Variants in MBD5 observed in about 807,000 individuals in gnomAD.
MBD5 encodes the protein methyl-CpG-binding domain protein 5.
Under a neutral mutation model 117.3 loss-of-function variants are expected in MBD5, and 13 were observed. The ratio of observed to expected loss-of-function variants is 0.11; its 90% confidence interval spans 0.07 to 0.18. The LOEUF is 0.18. MBD5 is among the 10% of genes least tolerant of loss of function. The pLI is 1.00. For missense variants in MBD5, 1,879 were observed against 2,093.8 expected, an observed-to-expected ratio of 0.90 and a Z score of 2.00; for synonymous variants, 727 against 766.4, an observed-to-expected ratio of 0.95 and a Z score of 0.85.
At chr2:148,406,589 A>G (rs1650246531) in intron 4 of MBD5, among the ~76,000 whole-genome samples, 1 of 152,298 alleles carries the variant, frequency 6.6e-6, no homozygotes, top group South Asian at 2.1e-4. Context: ...TGCAATTAAA[A>G]TAAAAAGCAA....
chr2:148,345,783 G>C (rs1703109768), intron 4 of MBD5, among the ~76,000 whole-genome samples: 1 of 151,432 alleles, frequency 6.6e-6, no homozygotes. Flanking sequence ...TCTGCAAGCT[G>C]AGGAGCAAGG....
At chr2:148,035,632 T>C (rs1368659761) in intron 1 of MBD5, among the ~76,000 whole-genome samples, 6 of 152,174 alleles carry the variant, frequency 3.9e-5, no homozygotes, top group Non-Finnish European at 8.8e-5. Context: ...AGTGAACAAA[T>C]ATGTAAATAT....
chr2:148,485,878 G>T lies in MBD5; in HGVS notation c.3681G>T (p.Ala1227=), dbSNP rs572893308. ...QLLQGYQNLQ[A]FQGQSTIPCP... ...TCCAGGGGTACCAGAATCTCCAGGCGTTCCAAGGACAGTCCACAATTCCTT... is the reference window on the plus strand; with the variant it reads ...TCCAGGGGTACCAGAATCTCCAGGCTTTCCAAGGACAGTCCACAATTCCTT... Residue 1227 remains alanine (A), a synonymous_variant, in exon 10 of 14, where the codon GCG becomes GCT. Coordinates refer to ENST00000642680, the MANE Select transcript of MBD5 (RefSeq NM_001378120.1). 6.2e-7 allele frequency: 1 copy of T among 1,614,056 alleles called. No individual in the cohort carries two copies. Among genetic ancestry groups the T allele is most frequent in the African/African-American group, 1.3e-5 (1 of 75,012 alleles).
chr2:148,185,017 TC>T (rs1698619674), intron 2 of MBD5, among the ~76,000 whole-genome samples: 2 of 152,238 alleles, frequency 1.3e-5, no homozygotes, highest in Non-Finnish European at 2.9e-5. Context: ...TTAGTTGGTC[TC>T]CACCTGTTTT....
chr2:148,229,554 G>T (rs1458201758), intron 2 of MBD5, among the ~76,000 whole-genome samples: 1 of 152,144 alleles, frequency 6.6e-6, no homozygotes, highest in African/African-American at 2.4e-5. Flanking sequence ...GATGCTAGTA[G>T]ATGTTCTTTG....
At chr2:148,319,554 A>G (rs958129568) in intron 3 of MBD5, among the ~76,000 whole-genome samples, 1 of 152,096 alleles carries the variant, frequency 6.6e-6, no homozygotes, top group Non-Finnish European at 1.5e-5. Flanking sequence ...GTCCTTTACT[A>G]TATCATTATT....
At chr2:148,052,726 A>G (rs79073993) in intron 1 of MBD5, among the ~76,000 whole-genome samples, 3 of 152,030 alleles carry the variant, frequency 2.0e-5, no homozygotes, top group Admixed American at 6.6e-5. Flanking sequence ...CCTTCTATTA[A>G]ATTCTCATTT....
chr2:148,428,403 GA>G (rs1419725393), intron 4 of MBD5, among the ~76,000 whole-genome samples: 3 of 152,150 alleles, frequency 2.0e-5, no homozygotes, highest in Admixed American at 6.6e-5. Flanking sequence ...TCAGTATCGT[GA>G]AAATGGCCAT....
chr2:148,179,884 A>G (rs1698480206), intron 2 of MBD5, among the ~76,000 whole-genome samples: 1 of 152,188 alleles, frequency 6.6e-6, no homozygotes, highest in South Asian at 2.1e-4. Context: ...ATCAATTCTC[A>G]GTAGTTTTTT....
intron 12 of MBD5, 23 bp downstream of exon 12, chr2:148,502,532 A>G: frequency 3.1e-6 from 5 of 1,606,900 alleles, no homozygotes; most frequent in Non-Finnish European, 4.3e-6. Flanking sequence ...CCAAAATTTT[A>G]CTTTGTTTTT....
At chr2:148,507,284 T>C (rs1417714700) in intron 12 of MBD5, among the ~76,000 whole-genome samples, 1 of 152,202 alleles carries the variant, frequency 6.6e-6, no homozygotes, top group Non-Finnish European at 1.5e-5. Flanking sequence ...GGTAAAAATC[T>C]TTTACCCATG....
intron 1 of MBD5, among the ~76,000 whole-genome samples, chr2:148,166,975 A>C (rs1024015707): frequency 2.6e-5 from 4 of 151,834 alleles, no homozygotes; most frequent in Non-Finnish European, 5.9e-5. Flanking sequence ...TTTTTTTGAT[A>C]ATTTTTAAAG....
At chr2:148,147,003 T>C (rs1205754118) in intron 1 of MBD5, among the ~76,000 whole-genome samples, 1 of 152,072 alleles carries the variant, frequency 6.6e-6, no homozygotes, top group African/African-American at 2.4e-5. Flanking sequence ...ACTGTTATTT[T>C]CTATTTGGCA....
intron 1 of MBD5, among the ~76,000 whole-genome samples, chr2:148,131,031 T>C (rs1329795216): frequency 3.3e-5 from 5 of 152,158 alleles, no homozygotes; most frequent in Non-Finnish European, 7.3e-5. Context: ...TGGCATAAAA[T>C]GTAGTATACA....
chr2:148,369,059 T>G (rs886986020), intron 4 of MBD5, among the ~76,000 whole-genome samples: 1 of 152,114 alleles, frequency 6.6e-6, no homozygotes, highest in Non-Finnish European at 1.5e-5. Context: ...GCCTCTGTAA[T>G]ATTCCCACTA....
chr2:148,391,173 A>G (rs1037343260), intron 4 of MBD5, among the ~76,000 whole-genome samples: 2 of 152,198 alleles, frequency 1.3e-5, no homozygotes, highest in African/African-American at 4.8e-5. Context: ...TGAATATTTT[A>G]TTTAATCAAG....
rs571568907 is a variant in MBD5, at chr2:148,126,515, C to A, written c.-924-52185C>A. Among the ~76,000 whole-genome samples, 24 of 152,050 alleles carry A rather than the reference C, an allele frequency of 1.6e-4. No individual in the cohort carries two copies. The East Asian group carries it at 3.3e-3, about 21-fold the overall frequency. On this transcript the variant is annotated intron_variant, in intron 1 of 13. Transcript: ENST00000642680. ...TAGATGGCTACATATTACCTTCCAG[C>A]ATTTGCTGTATATGGTAAGTGTTTT... is the stretch of plus-strand genomic sequence containing the variant.
intron 1 of MBD5, among the ~76,000 whole-genome samples, chr2:148,065,650 G>A (rs1695167939): frequency 6.6e-6 from 1 of 152,178 alleles, no homozygotes; most frequent in South Asian, 2.1e-4. Flanking sequence ...ATGTGTTGAA[G>A]TTAATGACTG....
Position 148,490,196 on chromosome 2 carries a change from C to T in MBD5, c.4564C>T (p.His1522Tyr). ...RLENTVERCAHINGNRPRQSR... is the reference protein window; with the variant it reads ...RLENTVERCAYINGNRPRQSR... ...AGAGAACACTGTGGAAAGATGTGCACACATAAATGGGAATAGACCTCGACA... is the reference window on the plus strand; with the variant it reads ...AGAGAACACTGTGGAAAGATGTGCATACATAAATGGGAATAGACCTCGACA... The change falls in exon 11 of 14, where the codon CAC becomes TAC. Residue 1522 changes from histidine to tyrosine, a missense_variant. His to Tyr is a moderately conservative substitution (Grantham distance 83). Coordinates refer to ENST00000642680, the MANE Select transcript of MBD5 (RefSeq NM_001378120.1). The T allele has an allele frequency of 6.2e-7, 1 of 1,614,090 alleles. No individual in the cohort carries two copies. The highest frequency in any genetic ancestry group is 8.5e-7 in the Non-Finnish European group (1 of 1,180,016).
Sources: allele counts gnomAD v4.1 joint callset (sites outside exome capture counted in the v4.1 genomes callset), GRCh38; gene constraint gnomAD v4.1.1; transcripts MANE v1.5; gene names NCBI Gene and HGNC (gene_info 2026-07-23, HGNC 2026-07-21).